The following AMZ1 variants were observed in gnomAD, a reference collection of about 807,000 sequenced individuals.
AMZ1 encodes the protein archaemetzincin-1.
In AMZ1, 39 loss-of-function variants were observed where a neutral mutation model predicts 29.9. The observed-to-expected ratio is 1.30, with a 90% CI of 1.01 to 1.70. AMZ1 has a LOEUF of 1.70. AMZ1 is among the 40% of genes most tolerant of loss of function. The probability of loss-of-function intolerance (pLI) is 0.00; values close to 1 mark genes in which losing one functional copy is unlikely to be tolerated. For synonymous variants in AMZ1, 458 were observed against 304.0 expected (o/e 1.51, Z -5.27); for missense variants, 1,041 against 680.6 (o/e 1.53, Z -5.89).
rs372018848 is a variant in AMZ1 at position 2,708,629 on chromosome 7, G to A, written c.514G>A (p.Ala172Thr). 273 of 1,612,984 alleles carry A rather than the reference G, an allele frequency of 1.7e-4. No homozygotes were observed. The highest frequency in any genetic ancestry group is 2.1e-4 in the Non-Finnish European group (242 of 1,179,994). The change falls in exon 4 of 7, where the codon GCG becomes ACG. Residue 172 changes from alanine (A) to threonine (T), a missense_variant. Transcript: ENST00000683327. ...CTTGAAGAACAACAAGCCAGGGGAC[G>A]CGCTGTGTGTGCTGGGCCTCACACT... Reference protein sequence around the residue: ...SFLKNNKPGDALCVLGLTLSD... With the variant: ...SFLKNNKPGDTLCVLGLTLSD...
chr7:2,692,010 C>G (rs1583143568), intron 1 of AMZ1, among the ~76,000 whole-genome samples: 1 of 152,194 alleles, frequency 6.6e-6, no homozygotes, highest in Admixed American at 6.5e-5. Flanking sequence ...GGTTATGGTG[C>G]TTGCCCCTTG....
At chr7:2,708,490 C>G in intron 3 of AMZ1, 98 bp from the exon 4 acceptor site, 1 of 1,550,082 alleles carries the variant, frequency 6.5e-7, no homozygotes, top group Non-Finnish European at 8.7e-7. Context: ...GGGGCAGGGC[C>G]CAGGCAGAGG....
intron 4 of AMZ1, among the ~76,000 whole-genome samples, chr7:2,732,560 C>G (rs1032928503): frequency 2.4e-4 from 37 of 152,024 alleles, no homozygotes; most frequent in Non-Finnish European, 4.3e-4. Context: ...AATCGAAAAA[C>G]AAAACAGAAC....
At chr7:2,712,200 A>G in intron 6 of AMZ1, 130 bp from the exon 7 acceptor site, 1 of 1,007,998 alleles carries the variant, frequency 9.9e-7, no homozygotes, top group Non-Finnish European at 1.4e-6. Context: ...CCCTCACACC[A>G]CCAGCCTGAC....
chr7:2,681,974 C>A (rs1466713410), intron 1 of AMZ1, among the ~76,000 whole-genome samples: 1 of 152,140 alleles, frequency 6.6e-6, no homozygotes, highest in Non-Finnish European at 1.5e-5. Context: ...GAGGAGGGGT[C>A]CTGGGGGAGC....
Position 2,709,118 on chromosome 7 carries a change from G to T in AMZ1, c.645G>T (p.Pro215=). 1.2e-6 allele frequency: 2 copies of T among 1,601,040 alleles called. No homozygotes were observed. Among genetic ancestry groups the T allele is most frequent in the Non-Finnish European group, 1.7e-6 (2 of 1,174,072 alleles). ...CSFARFSGEF[P]KSGPSAPDLA... is the part of the protein sequence containing the mutation. ...TCGCCCGGTTCTCAGGGGAATTCCC[G>T]AAGTCGGGGCCCAGCGCCCCTGATC... The change falls in exon 5 of 7, where the codon CCG becomes CCT. Residue 215 remains proline (P), a synonymous_variant. Transcript: ENST00000683327.
At chr7:2,693,339 C>T (rs935100437) in intron 1 of AMZ1, among the ~76,000 whole-genome samples, 73 of 151,972 alleles carry the variant, frequency 4.8e-4, no homozygotes, top group African/African-American at 1.7e-3. Context: ...TGCCCGCCTC[C>T]CAAGGTGCTG....
chr7:2,720,674 T>G (rs1360887630), downstream of AMZ1, among the ~76,000 whole-genome samples: 1 of 151,886 alleles, frequency 6.6e-6, no homozygotes, highest in Non-Finnish European at 1.5e-5. Flanking sequence ...ATGCTGGGAT[T>G]ATAGGTGTGA....
chr7:2,764,423 C>T (rs1215411725), upstream of AMZ1, among the ~76,000 whole-genome samples: 1 of 152,114 alleles, frequency 6.6e-6, no homozygotes, highest in Non-Finnish European at 1.5e-5. Context: ...TCTGATATTG[C>T]TGACCAGAGG....
chr7:2,704,111 G>A (rs1318148681), intron 3 of AMZ1, among the ~76,000 whole-genome samples: 1 of 152,182 alleles, frequency 6.6e-6, no homozygotes, highest in Admixed American at 6.5e-5. Flanking sequence ...GGATGGTCTG[G>A]ATCTCCTGAC....
Position 2,717,780 on chromosome 7 carries a change from G to A in AMZ1, c.*4902G>A, listed in dbSNP as rs1161890871. Among the ~76,000 whole-genome samples the A allele has an allele frequency of 6.6e-6, 1 of 152,164 alleles. No homozygotes were observed. Among genetic ancestry groups the A allele is most frequent in the East Asian group, 1.9e-4 (1 of 5,194 alleles). On this transcript the variant is annotated 3_prime_UTR_variant, in exon 7 of 7. Coordinates refer to ENST00000683327, the MANE Select transcript of AMZ1 (RefSeq NM_001384743.1). ...CAGCACCTTGATGAATGAGAACCCG[G>A]AAGAATGGAGGTTTATTTTTGAACT...
In AMZ1 at chr7:2,717,431, G is replaced by A. The variant is rs756247901; in HGVS notation, c.*4553G>A. The stretch of plus-strand genomic sequence containing the variant: ...CACGGGGGCCTGGCTGCCGTCCTGG[G>A]AGAGGCCCCGGGAACCGGCTCGCCC... On this transcript the variant is annotated 3_prime_UTR_variant, in exon 7 of 7. Transcript: ENST00000683327. Among the ~76,000 whole-genome samples, 1 of 152,218 alleles carries A rather than the reference G, an allele frequency of 6.6e-6. No homozygotes were observed. The highest frequency in any genetic ancestry group is 1.5e-5 in the Non-Finnish European group (1 of 68,036).
In AMZ1 at chr7:2,742,575, T is replaced by G. The variant is rs11767743; in HGVS notation, n.551-22137T>G. ...TCCTCGCTTACTTTGGTGCTCAAAG[T>G]GAAGAAAGCACTGAGTCTCGCCGGC... On this transcript the variant is annotated intron_variant and non_coding_transcript_variant, in intron 4 of 4. Coordinates refer to the AMZ1 transcript ENST00000489665. Among the ~76,000 whole-genome samples the G allele has an allele frequency of 7.4e-3, 1,133 of 152,306 alleles. 12 individuals carry two copies. The highest frequency in any genetic ancestry group is 0.014 in the Non-Finnish European group (921 of 68,034).
intron 3 of AMZ1, among the ~76,000 whole-genome samples, chr7:2,703,173 G>A (rs1367271332): frequency 6.6e-6 from 1 of 152,108 alleles, no homozygotes; most frequent in Admixed American, 6.6e-5. Flanking sequence ...TTGAGACGGA[G>A]TCTTGCTCTG....
At chr7:2,692,351 T>C (rs374914357) in intron 1 of AMZ1, among the ~76,000 whole-genome samples, 1 of 151,956 alleles carries the variant, frequency 6.6e-6, no homozygotes, top group Non-Finnish European at 1.5e-5. Flanking sequence ...CCATCCTGGC[T>C]AACACGTGAA....
intron 3 of AMZ1, among the ~76,000 whole-genome samples, chr7:2,703,486 G>T (rs978538663): frequency 6.9e-6 from 1 of 145,446 alleles, no homozygotes; most frequent in African/African-American, 2.7e-5. Context: ...CCAACCTTCC[G>T]TCTTTGCATA....
rs558691319 is a variant in AMZ1 at position 2,716,875 on chromosome 7, G to C, written c.*3997G>C. On this transcript the variant is annotated 3_prime_UTR_variant, in exon 7 of 7. Transcript: ENST00000683327. ...CCATATGGCTGTGGCTGTCGAGATG[G>C]GACTGGGAAGGGCTGGAGCCTCAGA... 2.6e-5 allele frequency among the ~76,000 whole-genome samples: 4 copies of C among 152,258 alleles called. 1 individual carries two copies. The highest frequency in any genetic ancestry group is 9.6e-5 in the African/African-American group (4 of 41,494).
At chr7:2,737,269 GTTTTGTTTTTTTTTTTTTTGTTT>G (rs1790239913) in intron 4 of AMZ1, among the ~76,000 whole-genome samples, 1 of 38,112 alleles carries the variant, frequency 2.6e-5, no homozygotes, top group Admixed American at 3.1e-4. Flanking sequence ...TCACAGTTTT[GTTTTGTTTTTTTTTTTTTTGTTT>G]TTTTTTTTTT....
At chr7:2,702,020 G>T in intron 2 of AMZ1, 1 of 152,602 alleles carries the variant, frequency 6.6e-6, no homozygotes, top group Non-Finnish European at 1.5e-5. Flanking sequence ...ACTGGGCCAG[G>T]CTCTGCATTT....
Sources: allele counts gnomAD v4.1 joint callset (sites outside exome capture counted in the v4.1 genomes callset), GRCh38; gene constraint gnomAD v4.1.1; transcripts MANE v1.5; gene names NCBI Gene and HGNC (gene_info 2026-07-23, HGNC 2026-07-21).